B3GAT2: variants seen among roughly 807,000 people sequenced by gnomAD.
The protein encoded by B3GAT2 is beta-1,3-glucuronyltransferase 2.
Under a neutral mutation model 27.8 loss-of-function variants are expected in B3GAT2, and 26 were observed. The observed-to-expected ratio is 0.93, with a 90% CI of 0.68 to 1.30. B3GAT2 has a LOEUF of 1.30. B3GAT2 is among the 50% of genes most tolerant of loss of function. The probability of loss-of-function intolerance (pLI) is 0.00; values close to 1 mark genes in which losing one functional copy is unlikely to be tolerated. For missense variants in B3GAT2, 458 were observed against 459.0 expected, an observed-to-expected ratio of 1.00 and a Z score of 0.02; for synonymous variants, 218 against 195.1, an observed-to-expected ratio of 1.12 and a Z score of -0.98.
chr6:70,940,164 G>A (rs899407037), intron 1 of B3GAT2, among the ~76,000 whole-genome samples: 24 of 151,938 alleles, frequency 1.6e-4, no homozygotes, highest in African/African-American at 2.9e-4. Flanking sequence ...ACACCCCCTC[G>A]CCCCACACAC....
chr6:70,859,148 A>G lies in B3GAT2; in HGVS notation c.*2515T>C. Reference sequence around the variant, plus strand: ...CATTAGCACAATCACTATATATCACAGTTAATTTTGCTACCACCATTTACA... The same window carrying G: ...CATTAGCACAATCACTATATATCACGGTTAATTTTGCTACCACCATTTACA... On this transcript the variant is annotated 3_prime_UTR_variant, in exon 4 of 4. Coordinates refer to ENST00000230053, the MANE Select transcript of B3GAT2 (RefSeq NM_080742.3). 1 of 519,250 alleles carries G rather than the reference A, an allele frequency of 1.9e-6. No individual in the cohort carries two copies. Among genetic ancestry groups the G allele is most frequent in the Admixed American group, 3.7e-5 (1 of 27,210 alleles). 32.2% of individuals were successfully genotyped at this position (519,250 alleles called of 1,614,324 possible). A position where few individuals can be genotyped will look rare whatever the true frequency, so the allele number is the denominator to read the frequency against.
chr6:70,888,470 G>C (rs9784798), intron 2 of B3GAT2, among the ~76,000 whole-genome samples: 4,957 of 152,114 alleles, frequency 0.033, 140 homozygotes, highest in African/African-American at 0.072. Context: ...AGTATAATCT[G>C]AAAAGGCTGT....
chr6:70,926,290 G>A (rs367990155), intron 1 of B3GAT2, among the ~76,000 whole-genome samples: 23 of 152,196 alleles, frequency 1.5e-4, no homozygotes, highest in Admixed American at 7.9e-4. Flanking sequence ...GCAGCTCCTC[G>A]CCAGCAAAGG....
intron 2 of B3GAT2, among the ~76,000 whole-genome samples, chr6:70,872,589 C>T (rs985796595): frequency 2.1e-5 from 3 of 144,280 alleles, no homozygotes; most frequent in Non-Finnish European, 4.5e-5. Flanking sequence ...GTCTTTGAAT[C>T]TAACATGTTT....
chr6:70,950,688 A>G (rs529176261), intron 1 of B3GAT2, among the ~76,000 whole-genome samples: 60 of 152,342 alleles, frequency 3.9e-4, no homozygotes, highest in African/African-American at 1.4e-3. Context: ...GCATTTGTTT[A>G]AGTCCTCTGT....
intron 1 of B3GAT2, among the ~76,000 whole-genome samples, chr6:70,897,658 GA>G (rs71538453): frequency 2.9e-3 from 396 of 134,988 alleles, no homozygotes; most frequent in East Asian, 8.1e-3. Flanking sequence ...AGAACTGCTT[GA>G]AAAAAAAAAA....
At position 70,956,132 on chromosome 6, in the gene B3GAT2, G is replaced by C. The variant is rs759422862; in HGVS notation, c.298C>G (p.Arg100Gly). 1.2e-6 allele frequency: 2 copies of C among 1,604,182 alleles called. No homozygotes were observed. Among genetic ancestry groups the C allele is most frequent in the Non-Finnish European group, 1.7e-6 (2 of 1,175,542 alleles). The stretch of plus-strand genomic sequence containing the variant: ...ACCTGGCGGAACGTGTTGGCCAGGC[G>C]GGTCAGCTCCGCTTTCTGCACCGGG... ...SRPVQKAELT[R>G]LANTFRQVAQ... is the part of the protein sequence containing the mutation. Residue 100 changes from arginine (R) to glycine (G), a missense_variant, in exon 1 of 4, where the codon CGC (arginine) becomes GGC (glycine). Physicochemically the swap from Arg to Gly is moderately radical, Grantham distance 125. Coordinates refer to ENST00000230053, the MANE Select transcript of B3GAT2 (RefSeq NM_080742.3).
intron 1 of B3GAT2, among the ~76,000 whole-genome samples, chr6:70,937,876 C>T (rs1269127139): frequency 6.6e-6 from 1 of 152,098 alleles, no homozygotes; most frequent in Non-Finnish European, 1.5e-5. Context: ...CACTCCTATT[C>T]AACATAGTGT....
At chr6:70,948,729 T>A (rs1436962742) in intron 1 of B3GAT2, among the ~76,000 whole-genome samples, 1 of 152,136 alleles carries the variant, frequency 6.6e-6, no homozygotes, top group Non-Finnish European at 1.5e-5. Context: ...TGGAAAAAAC[T>A]ACTTTAAAGT....
At chr6:70,868,807 GAGAA>G (rs1189332441) in intron 2 of B3GAT2, among the ~76,000 whole-genome samples, 1 of 152,100 alleles carries the variant, frequency 6.6e-6, no homozygotes, top group East Asian at 1.9e-4. Flanking sequence ...GAACTTGCTG[GAGAA>G]AGAAAGATAT....
intron 1 of B3GAT2, among the ~76,000 whole-genome samples, chr6:70,932,306 A>C (rs1166688601): frequency 6.6e-6 from 1 of 152,210 alleles, no homozygotes; most frequent in Non-Finnish European, 1.5e-5. Flanking sequence ...GTATATACCC[A>C]AAAGAACGGA....
At chr6:70,868,633 C>T (rs1472581294) in intron 2 of B3GAT2, among the ~76,000 whole-genome samples, 2 of 152,170 alleles carry the variant, frequency 1.3e-5, no homozygotes, top group African/African-American at 4.8e-5. Context: ...GTAATAATCA[C>T]TCTGGGTAGT....
chr6:70,950,229 G>T (rs531516507), intron 1 of B3GAT2, among the ~76,000 whole-genome samples: 207 of 149,232 alleles, frequency 1.4e-3, no homozygotes, highest in African/African-American at 4.4e-3. Flanking sequence ...ATAAAATAAA[G>T]AAATATCCAG....
chr6:70,889,757 C>G (rs992620246), intron 2 of B3GAT2, among the ~76,000 whole-genome samples: 3 of 151,542 alleles, frequency 2.0e-5, no homozygotes, highest in African/African-American at 7.3e-5. Context: ...CAGATCAAAT[C>G]TCTCCCCCTC....
chr6:70,935,753 C>T (rs977054982), intron 1 of B3GAT2, among the ~76,000 whole-genome samples: 1 of 152,068 alleles, frequency 6.6e-6, no homozygotes, highest in East Asian at 1.9e-4. Flanking sequence ...CTGAAGGAAG[C>T]ACTAAACATG....
At chr6:70,863,396 C>A (rs745999884) in intron 2 of B3GAT2, among the ~76,000 whole-genome samples, 1 of 152,204 alleles carries the variant, frequency 6.6e-6, no homozygotes, top group Non-Finnish European at 1.5e-5. Context: ...AAGCCACTTA[C>A]AAACATAACG....
chr6:70,948,650 T>C (rs1765530627), intron 1 of B3GAT2, among the ~76,000 whole-genome samples: 1 of 151,190 alleles, frequency 6.6e-6, no homozygotes, highest in Non-Finnish European at 1.5e-5. Context: ...AAAATGGCCA[T>C]ACTGCCCAAG....
At chr6:70,886,239 G>A (rs1409132540) in intron 2 of B3GAT2, among the ~76,000 whole-genome samples, 1 of 152,160 alleles carries the variant, frequency 6.6e-6, no homozygotes, top group African/African-American at 2.4e-5. Flanking sequence ...CTGAATCCCA[G>A]ACAACTCACT....
At chr6:70,935,820 A>G (rs564972343) in intron 1 of B3GAT2, among the ~76,000 whole-genome samples, 24 of 152,286 alleles carry the variant, frequency 1.6e-4, no homozygotes, top group East Asian at 1.3e-3. Context: ...AAAGACCATC[A>G]AGGCTAGGAA....
Sources: gnomAD v4.1 joint callset for allele counts (sites outside exome capture counted in the v4.1 genomes callset) on GRCh38, gnomAD v4.1.1 for gene constraint, MANE v1.5 for transcripts, NCBI Gene and HGNC (gene_info 2026-07-23, HGNC 2026-07-21) for gene names.